CERS6: variants seen among roughly 807,000 people sequenced by gnomAD.
CERS6 encodes the protein LAG1 homolog, ceramide synthase 6.
Under a neutral mutation model 56.8 loss-of-function variants are expected in CERS6, and 26 were observed. That is an observed-to-expected ratio of 0.46 (90% confidence interval 0.34 to 0.63). The LOEUF (loss-of-function observed/expected upper bound fraction) is 0.63, where lower values mean the gene tolerates loss of function less well. CERS6 is among the 30% of genes least tolerant of loss of function. CERS6 has a pLI of 0.01. For synonymous variants in CERS6, 164 were observed against 173.3 expected (o/e 0.95, Z 0.42); for missense variants, 415 against 467.5 (o/e 0.89, Z 1.04).
rs1256786156 is a variant in CERS6 at position 168,774,890 on chromosome 2, G to A, written c.*5228G>A. The A allele has an allele frequency of 6.6e-6, 1 of 152,160 alleles. No individual in the cohort carries two copies. Among genetic ancestry groups the A allele is most frequent in the African/African-American group, 2.4e-5 (1 of 41,438 alleles). The allele number at this position is 152,160 out of a possible 1,614,324, so 9.4% of individuals were successfully genotyped here. ...TTTGATTTTTTTCAACTTGCAGTGA[G>A]AAATAGGATAGGTGACAAAACCTTA... On this transcript the variant is annotated 3_prime_UTR_variant, in exon 10 of 10. Transcript: ENST00000305747.
chr2:168,464,139 C>T (rs953382763), intron 1 of CERS6, among the ~76,000 whole-genome samples: 6 of 149,630 alleles, frequency 4.0e-5, no homozygotes, highest in African/African-American at 1.2e-4. Flanking sequence ...GTGGTCTTAT[C>T]GTGGTCTTTT....
At chr2:168,532,172 A>G (rs1299810896) in intron 1 of CERS6, among the ~76,000 whole-genome samples, 1 of 152,172 alleles carries the variant, frequency 6.6e-6, no homozygotes, top group African/African-American at 2.4e-5. Context: ...TTGTCTTCTT[A>G]CTGCACACTA....
At chr2:168,765,521 G>T (rs1684706608) in intron 8 of CERS6, 71 bp from the exon 9 acceptor site, 2 of 1,503,894 alleles carry the variant, frequency 1.3e-6, no homozygotes, top group African/African-American at 2.8e-5. Flanking sequence ...GTGCTTTAAT[G>T]CAGTGACTAG....
intron 8 of CERS6, among the ~76,000 whole-genome samples, chr2:168,739,598 C>A (rs1683830756): frequency 6.6e-6 from 1 of 152,074 alleles, no homozygotes; most frequent in African/African-American, 2.4e-5. Context: ...GATGGAGTCT[C>A]CCGCGTTAAA....
chr2:168,481,211 C>G (rs1024774948), intron 1 of CERS6, among the ~76,000 whole-genome samples: 2 of 152,106 alleles, frequency 1.3e-5, no homozygotes, highest in African/African-American at 4.8e-5. Flanking sequence ...GTCAGGAGAT[C>G]GAGACCATCC....
chr2:168,582,253 C>G (rs1159096746), intron 3 of CERS6, among the ~76,000 whole-genome samples: 1 of 152,110 alleles, frequency 6.6e-6, no homozygotes, highest in Admixed American at 6.6e-5. Flanking sequence ...TAGGTAGGCA[C>G]TGGGCCTAGA....
At chr2:168,461,420 A>G (rs1693777839) in intron 1 of CERS6, among the ~76,000 whole-genome samples, 1 of 148,476 alleles carries the variant, frequency 6.7e-6, no homozygotes. Flanking sequence ...TGATTGCGCT[A>G]CTACACTCTA....
chr2:168,636,884 C>G (rs114386074), intron 4 of CERS6, among the ~76,000 whole-genome samples: 1,861 of 152,276 alleles, frequency 0.012, 32 homozygotes, highest in African/African-American at 0.041. Flanking sequence ...GACTGTGAGG[C>G]CCTGTAGAGG....
intron 4 of CERS6, among the ~76,000 whole-genome samples, chr2:168,670,333 G>A (rs779792154): frequency 1.4e-4 from 21 of 152,110 alleles, no homozygotes; most frequent in South Asian, 4.1e-4. Context: ...CCAGCCTCGT[G>A]AGAAATCTGA....
At chr2:168,482,373 A>G (rs762821725) in intron 1 of CERS6, among the ~76,000 whole-genome samples, 23 of 152,238 alleles carry the variant, frequency 1.5e-4, no homozygotes, top group Non-Finnish European at 2.8e-4. Flanking sequence ...TGTTGAAGCC[A>G]TTAGCTCTTG....
At chr2:168,627,395 G>T (rs1684614124) in intron 3 of CERS6, among the ~76,000 whole-genome samples, 1 of 152,162 alleles carries the variant, frequency 6.6e-6, no homozygotes, top group African/African-American at 2.4e-5. Flanking sequence ...AAAGGTTAAT[G>T]AATAATGTAT....
At chr2:168,660,008 G>C (rs1037726948) in intron 4 of CERS6, among the ~76,000 whole-genome samples, 3 of 152,182 alleles carry the variant, frequency 2.0e-5, no homozygotes, top group Admixed American at 2.0e-4. Flanking sequence ...GTGGAAATGT[G>C]CCTGGAGTGA....
intron 1 of CERS6, among the ~76,000 whole-genome samples, chr2:168,494,275 C>CTTA (rs1694424738): frequency 6.6e-6 from 1 of 152,174 alleles, no homozygotes; most frequent in African/African-American, 2.4e-5. Flanking sequence ...ATTCCCAGTG[C>CTTA]TTAGCTCTGT....
rs569372500 is a variant in CERS6 at position 168,543,531 on chromosome 2, A to G, written c.171-4065A>G. ...TGATAGTCAGTGATAAAATTATAGT[A>G]GTTGTGTCATGGATCTTATTTTGTA... On this transcript the variant is annotated intron_variant, in intron 1 of 9. Transcript: ENST00000305747. Among the ~76,000 whole-genome samples, 9 of 152,264 alleles carry G rather than the reference A, an allele frequency of 5.9e-5. No individual in the cohort carries two copies. The South Asian group carries it at 1.7e-3, about 28-fold the overall frequency.
intron 1 of CERS6, among the ~76,000 whole-genome samples, chr2:168,491,960 T>C (rs1694381958): frequency 6.6e-6 from 1 of 152,236 alleles, no homozygotes; most frequent in African/African-American, 2.4e-5. Flanking sequence ...TATCCTTTTT[T>C]ATGGCTGCAT....
chr2:168,568,815 C>G (rs1207458999), intron 3 of CERS6, among the ~76,000 whole-genome samples: 2 of 152,154 alleles, frequency 1.3e-5, no homozygotes, highest in Non-Finnish European at 2.9e-5. Context: ...AATGGCCACA[C>G]CATGCAAAAT....
chr2:168,541,724 A>AC (rs1369622570), intron 1 of CERS6, among the ~76,000 whole-genome samples: 1 of 152,220 alleles, frequency 6.6e-6, no homozygotes, highest in Admixed American at 6.5e-5. Context: ...TGCAGTGGAC[A>AC]GTGGCTTTAG....
At position 168,755,839 on chromosome 2, in the gene CERS6, AACT is replaced by A. The variant is rs1684401707; in HGVS notation, c.846-9752_846-9750del. 2.6e-5 allele frequency among the ~76,000 whole-genome samples: 4 copies of A among 152,336 alleles called. No individual in the cohort carries two copies. In the South Asian group the frequency reaches 8.3e-4, roughly 32 times the overall value. On this transcript the variant is annotated intron_variant, in intron 8 of 9. Transcript: ENST00000305747. ...CAGAATGACCAAGATTTTCTACTTT[AACT>A]GAGTTAATTGATTAGACCCAGAAAC...
chr2:168,766,008 G>A (rs954025289), intron 9 of CERS6, among the ~76,000 whole-genome samples: 14 of 152,050 alleles, frequency 9.2e-5, no homozygotes, highest in Admixed American at 7.2e-4. Flanking sequence ...CCCTCTTCCT[G>A]TCAACCTTGG....
Sources: allele counts gnomAD v4.1 joint callset (sites outside exome capture counted in the v4.1 genomes callset), GRCh38; gene constraint gnomAD v4.1.1; transcripts MANE v1.5; gene names NCBI Gene and HGNC (gene_info 2026-07-23, HGNC 2026-07-21).